PWWP2A: variants seen among roughly 807,000 people sequenced by gnomAD.
The protein encoded by PWWP2A is PWWP domain-containing protein 2A.
PWWP2A carries 18 observed loss-of-function variants against 48.5 expected under a neutral mutation model. The ratio of observed to expected loss-of-function variants is 0.37; its 90% CI spans 0.26 to 0.55. The LOEUF is 0.55. Ranked by LOEUF, PWWP2A falls within the 20% of genes least tolerant of loss-of-function variation. The pLI, the probability that PWWP2A is intolerant of heterozygous loss-of-function variation, is 0.81. For synonymous variants in PWWP2A, 396 were observed against 387.7 expected, an observed-to-expected ratio of 1.02 and a Z score of -0.25; for missense variants, 867 against 976.4, an observed-to-expected ratio of 0.89 and a Z score of 1.49.
In PWWP2A at chr5:160,119,042, G is replaced by A; in HGVS notation, c.347C>T (p.Ser116Phe). 1 of 1,595,158 alleles carries A rather than the reference G, an allele frequency of 6.3e-7. No individual in the cohort carries two copies. The highest frequency in any genetic ancestry group is 8.5e-7 in the Non-Finnish European group (1 of 1,176,560). Residue 116 changes from serine to phenylalanine, a missense_variant, in exon 1 of 2, where the codon TCT (serine) becomes TTT (phenylalanine). Transcript: ENST00000307063. Reference protein sequence around the residue: ...APQGGPELPPSPASPPEQPPA... With the variant: ...APQGGPELPPFPASPPEQPPA... Reference sequence around the variant, plus strand: ...GGGCTGCTCCGGCGGCGATGCAGGAGAAGGTGGAAGTTCCGGCCCTCCCTG... The same window carrying A: ...GGGCTGCTCCGGCGGCGATGCAGGAAAAGGTGGAAGTTCCGGCCCTCCCTG...
At chr5:160,109,575 G>T (rs1177699362) in intron 1 of PWWP2A, among the ~76,000 whole-genome samples, 1 of 151,146 alleles carries the variant, frequency 6.6e-6, no homozygotes, top group Non-Finnish European at 1.5e-5. Context: ...TTAGGACTGT[G>T]TTTAAGGGAT....
At chr5:160,061,518 T>A (rs1339985715), downstream of PWWP2A, among the ~76,000 whole-genome samples, 1 of 152,218 alleles carries the variant, frequency 6.6e-6, no homozygotes, top group East Asian at 1.9e-4. Context: ...TAGTACATGT[T>A]GGTTGAATTA....
chr5:160,086,490 T>C (rs1278121461), downstream of PWWP2A, among the ~76,000 whole-genome samples: 1 of 152,170 alleles, frequency 6.6e-6, no homozygotes, highest in African/African-American at 2.4e-5. Context: ...ACAGTCTAGC[T>C]TGGGCGAGAC....
chr5:160,109,997 T>C (rs1047519322), intron 1 of PWWP2A, among the ~76,000 whole-genome samples: 16 of 150,820 alleles, frequency 1.1e-4, no homozygotes. Flanking sequence ...TGAACAGTCT[T>C]GAGCTATTAA....
intron 1 of PWWP2A, among the ~76,000 whole-genome samples, chr5:160,106,007 T>C (rs1316133519): frequency 2.0e-5 from 3 of 152,146 alleles, no homozygotes; most frequent in Admixed American, 6.6e-5. Flanking sequence ...CCCAGGACCA[T>C]GTAGAAGAAA....
rs116271667 is a variant in PWWP2A at position 160,065,111 on chromosome 5, C to T, written c.*236+1437G>A. 2.9e-4 allele frequency: 458 copies of T among 1,592,982 alleles called. 1 individual carries two copies. The African/African-American group carries it at 5.5e-3, about 19-fold the overall frequency. Reference sequence around the variant, plus strand: ...CAAGCTGACTTGGAATTGTGTGCTGCTTGCTGTTAGCTAGGGGAAAGGCCC... The same window carrying T: ...CAAGCTGACTTGGAATTGTGTGCTGTTTGCTGTTAGCTAGGGGAAAGGCCC... On this transcript the variant is annotated intron_variant and NMD_transcript_variant, in intron 4 of 5. Transcript: ENST00000524050.
In PWWP2A at chr5:160,078,279, A is replaced by AT. The variant is rs1204097748; in HGVS notation, c.1670-112dup. 5.6e-6 allele frequency: 5 copies of AT among 890,260 alleles called. No homozygotes were observed. The highest frequency in any genetic ancestry group is 1.7e-5 in the African/African-American group (1 of 59,662). 55.1% of individuals were successfully genotyped at this position (890,260 alleles called of 1,614,324 possible). ...TACATAGATTGTGGGATCACACCTG[A>AT]TTTTTTCTTTTAAATCGGTTAAACC... On this transcript the variant is annotated intron_variant, in intron 3 of 3. Coordinates refer to the PWWP2A transcript ENST00000456329. This position sits in a 1 kb window ranked among gnomAD's most constrained non-coding sequence, Gnocchi z 4.2.
chr5:160,111,835 G>A (rs1174859517), intron 1 of PWWP2A, among the ~76,000 whole-genome samples: 1 of 152,090 alleles, frequency 6.6e-6, no homozygotes, highest in Non-Finnish European at 1.5e-5. Context: ...AAGCAGACAG[G>A]TAATTTAAAC....
chr5:160,104,159 G>C (rs1323266198), intron 1 of PWWP2A, among the ~76,000 whole-genome samples: 1 of 121,520 alleles, frequency 8.2e-6, no homozygotes, highest in Non-Finnish European at 1.8e-5. Context: ...AAAAGAAAAA[G>C]AGGAGACTGG....
At chr5:160,109,820 ATAATAT>A (rs1757365196) in intron 1 of PWWP2A, among the ~76,000 whole-genome samples, 1 of 118,994 alleles carries the variant, frequency 8.4e-6, no homozygotes, top group African/African-American at 3.1e-5. Context: ...AAATAATATA[ATAATAT>A]ATATATATAT....
intron 2 of PWWP2A, among the ~76,000 whole-genome samples, chr5:160,084,742 A>C (rs1754493456): frequency 6.6e-6 from 1 of 152,080 alleles, no homozygotes; most frequent in Admixed American, 6.6e-5. Flanking sequence ...TAAAAATGTT[A>C]ATGAATGCTT....
chr5:160,067,385 A>G (rs1277454443), intron 2 of PWWP2A, among the ~76,000 whole-genome samples: 1 of 152,206 alleles, frequency 6.6e-6, no homozygotes, highest in Non-Finnish European at 1.5e-5. Flanking sequence ...CATTTTGAGA[A>G]CTACTGTCAC....
chr5:160,090,096 T>C, downstream of PWWP2A: 1 of 984,772 alleles, frequency 1.0e-6, no homozygotes, highest in Non-Finnish European at 1.2e-6. Context: ...GGCATATCAT[T>C]TGTGATATGC....
intron 1 of PWWP2A, among the ~76,000 whole-genome samples, chr5:160,115,137 CAAAAAAAAAAAAAA>C (rs535110852): frequency 0.017 from 1,518 of 88,464 alleles, 45 homozygotes; most frequent in African/African-American, 0.08. Flanking sequence ...GAGACTCTGT[CAAAAAAAAAAAAAA>C]AAAAAAAAAA....
chr5:160,092,969 T>C lies in PWWP2A; in HGVS notation c.1681A>G (p.Lys561Glu), dbSNP rs936103170. 6.4e-7 allele frequency: 1 copy of C among 1,555,014 alleles called. No individual in the cohort carries two copies. Among genetic ancestry groups the C allele is most frequent in the East Asian group, 2.4e-5 (1 of 41,330 alleles). ...GTCATATAAACAGAGATATTGTTTT[T>C]GCTGCCCTTTTTGCCCAATGTCTGT... is the stretch of plus-strand genomic sequence containing the variant. ...EPQTLGKKGS[K>E]NNISVYMTLN... Residue 561 changes from lysine (K) to glutamate (E), a missense_variant, in exon 2 of 2, where the codon AAA becomes GAA. By Grantham distance (56) the Lys-to-Glu change is moderately conservative. Coordinates refer to ENST00000307063, the MANE Select transcript of PWWP2A (RefSeq NM_001130864.2).
At chr5:160,069,919 C>G (rs946649966) in intron 2 of PWWP2A, among the ~76,000 whole-genome samples, 10 of 152,190 alleles carry the variant, frequency 6.6e-5, no homozygotes, top group Non-Finnish European at 1.0e-4. Context: ...CACCTCCAGG[C>G]CACATTTCCA....
At chr5:160,095,047 C>CAAAAAAAAAAAAAAAAAAAAAAAAAAAA (rs70987998) in intron 1 of PWWP2A, among the ~76,000 whole-genome samples, 1 of 30,874 alleles carries the variant, frequency 3.2e-5, no homozygotes, top group African/African-American at 1.3e-4. Context: ...GACTCTGTCT[C>CAAAAAAAAAAAAAAAAAAAAAAAAAAAA]AAAAAAAAAA....
chr5:160,100,497 TG>T (rs1460683967), intron 1 of PWWP2A, among the ~76,000 whole-genome samples: 1 of 151,890 alleles, frequency 6.6e-6, no homozygotes, highest in African/African-American at 2.4e-5. Flanking sequence ...GCAGGAATGG[TG>T]GCTCATGCCT....
At chr5:160,115,987 G>A (rs952517895) in intron 1 of PWWP2A, among the ~76,000 whole-genome samples, 7 of 151,840 alleles carry the variant, frequency 4.6e-5, no homozygotes, top group Admixed American at 2.6e-4. Context: ...AAAAAAAAAG[G>A]AAATCCAACT....
Sources: allele counts gnomAD v4.1 joint callset (sites outside exome capture counted in the v4.1 genomes callset), GRCh38; gene constraint gnomAD v4.1.1; non-coding constraint Gnocchi (gnomAD v3.1); transcripts MANE v1.5; gene names NCBI Gene and HGNC (gene_info 2026-07-23, HGNC 2026-07-21).